RGS5: variants seen among roughly 807,000 people sequenced by gnomAD.
RGS5 encodes regulator of G protein signaling 5.
A neutral mutation model predicts 18.9 loss-of-function variants in RGS5; 20 were observed. The ratio of observed to expected loss-of-function variants is 1.06; its 90% CI spans 0.74 to 1.54. The LOEUF is 1.54. Among genes scored for constraint, RGS5 ranks in the 40% most tolerant of loss-of-function variants. The pLI, the probability that RGS5 is intolerant of heterozygous loss-of-function variation, is 0.00. For missense variants in RGS5, 201 were observed against 211.8 expected (o/e 0.95, Z 0.32); for synonymous variants, 57 against 76.2 (o/e 0.75, Z 1.31).
intron 1 of RGS5, among the ~76,000 whole-genome samples, chr1:163,182,871 G>A (rs747978053): frequency 3.9e-5 from 6 of 151,980 alleles, no homozygotes; most frequent in Admixed American, 1.3e-4. Flanking sequence ...TAGACTGAAA[G>A]TTTCTTATTG....
intron 2 of RGS5, among the ~76,000 whole-genome samples, chr1:163,165,394 T>A (rs1657995608): frequency 6.6e-6 from 1 of 152,242 alleles, no homozygotes; most frequent in African/African-American, 2.4e-5. Context: ...TATCAGCTCC[T>A]AACATTTTAC....
intron 1 of RGS5, among the ~76,000 whole-genome samples, chr1:163,183,410 TA>T (rs2102418393): frequency 6.6e-6 from 1 of 152,360 alleles, no homozygotes; most frequent in African/African-American, 2.4e-5. Flanking sequence ...TTTACAAAAT[TA>T]ATAAGCAATT....
intron 2 of RGS5, among the ~76,000 whole-genome samples, chr1:163,246,406 TA>T (rs1373166044): frequency 1.3e-5 from 2 of 149,002 alleles, no homozygotes; most frequent in African/African-American, 2.5e-5. Context: ...CCATCTCTAC[TA>T]AAAAATACAA....
At chr1:163,221,176 A>C (rs1647220895), upstream of RGS5, among the ~76,000 whole-genome samples, 1 of 152,116 alleles carries the variant, frequency 6.6e-6, no homozygotes, top group South Asian at 2.1e-4. Flanking sequence ...CCTCAGTGTA[A>C]TGTTGTATGG....
At chr1:163,208,574 T>C (rs1660019882) in intron 1 of RGS5, among the ~76,000 whole-genome samples, 1 of 125,650 alleles carries the variant, frequency 8.0e-6, no homozygotes, top group Non-Finnish European at 1.7e-5. Context: ...CTATATTCTG[T>C]ATACAAAGGA....
At chr1:163,283,873 G>A (rs2101720646) in intron 2 of RGS5, among the ~76,000 whole-genome samples, 1 of 152,298 alleles carries the variant, frequency 6.6e-6, no homozygotes, top group Admixed American at 6.5e-5. Flanking sequence ...TGTATTTGGA[G>A]GTATTCTTTT....
At chr1:163,223,970 T>C (rs1038532516) in intron 2 of RGS5, among the ~76,000 whole-genome samples, 3 of 152,204 alleles carry the variant, frequency 2.0e-5, no homozygotes, top group Non-Finnish European at 2.9e-5. Flanking sequence ...TGGTATAGTG[T>C]AATGTTTTGG....
intron 2 of RGS5, chr1:163,305,063 A>G (rs1649659445): frequency 6.6e-6 from 1 of 152,242 alleles, no homozygotes; most frequent in South Asian, 2.1e-4. Flanking sequence ...TAATTAAAAT[A>G]TAGATTTGTC....
At chr1:163,312,729 G>A (rs1204377778) in intron 1 of RGS5, among the ~76,000 whole-genome samples, 2 of 152,182 alleles carry the variant, frequency 1.3e-5, no homozygotes, top group African/African-American at 2.4e-5. Context: ...AGATATAAGA[G>A]CATTATATTT....
At chr1:163,156,691 TGA>T (rs1186199860) in intron 3 of RGS5, among the ~76,000 whole-genome samples, 1 of 152,200 alleles carries the variant, frequency 6.6e-6, no homozygotes, top group East Asian at 1.9e-4. Context: ...TCCTTCCAAG[TGA>T]CAGAATCAAA....
chr1:163,189,318 G>A (rs1018029590), intron 1 of RGS5, among the ~76,000 whole-genome samples: 4 of 152,132 alleles, frequency 2.6e-5, no homozygotes, highest in Non-Finnish European at 5.9e-5. Context: ...GTTAACAAGA[G>A]GATGGCAAAG....
chr1:163,319,720 T>G (rs1452081114), intron 1 of RGS5, among the ~76,000 whole-genome samples: 2 of 152,158 alleles, frequency 1.3e-5, no homozygotes, highest in African/African-American at 4.8e-5. Flanking sequence ...AAGGGAGGTA[T>G]TAGCAGGAGG....
chr1:163,154,976 T>C (rs933464944), intron 3 of RGS5, among the ~76,000 whole-genome samples: 2 of 151,884 alleles, frequency 1.3e-5, no homozygotes, highest in Non-Finnish European at 2.9e-5. Context: ...TGTATATGTA[T>C]ATAAAACTAT....
At chr1:163,205,273 T>C (rs890532759), upstream of RGS5, among the ~76,000 whole-genome samples, 1 of 149,962 alleles carries the variant, frequency 6.7e-6, no homozygotes, top group African/African-American at 2.5e-5. Context: ...GTGCCCATAG[T>C]TAGCTATACT....
At chr1:163,233,045 T>C (rs1259050957) in intron 2 of RGS5, among the ~76,000 whole-genome samples, 1 of 152,246 alleles carries the variant, frequency 6.6e-6, no homozygotes, top group African/African-American at 2.4e-5. Flanking sequence ...ATGACTCTAA[T>C]TCTTCAACCT....
At chr1:163,199,580 A>G (rs1659698978) in intron 1 of RGS5, among the ~76,000 whole-genome samples, 1 of 152,140 alleles carries the variant, frequency 6.6e-6, no homozygotes. Flanking sequence ...TTGTTTAAAA[A>G]AAAGTTTATT....
At chr1:163,151,243 T>C (rs1253797888) in intron 4 of RGS5, among the ~76,000 whole-genome samples, 1 of 152,182 alleles carries the variant, frequency 6.6e-6, no homozygotes, top group Non-Finnish European at 1.5e-5. Flanking sequence ...CACTGTTTTC[T>C]TGTAATATTT....
intron 2 of RGS5, among the ~76,000 whole-genome samples, chr1:163,281,304 T>G (rs1648984885): frequency 6.6e-6 from 1 of 152,100 alleles, no homozygotes. Flanking sequence ...TTGGGTAATT[T>G]ATAAAGAAAA....
chr1:163,264,494 A>T (rs71641989), intron 2 of RGS5, among the ~76,000 whole-genome samples: 4 of 152,072 alleles, frequency 2.6e-5, no homozygotes, highest in Non-Finnish European at 5.9e-5. Context: ...CACCCCACAC[A>T]TTTCATCCTT....
Sources: allele counts gnomAD v4.1 joint callset (sites outside exome capture counted in the v4.1 genomes callset), GRCh38; gene constraint gnomAD v4.1.1; transcripts MANE v1.5; gene names NCBI Gene and HGNC (gene_info 2026-07-23, HGNC 2026-07-21).